Variants in ABCC4 observed in about 807,000 individuals in gnomAD.
ABCC4 encodes the protein ATP binding cassette subfamily C member 4 (PEL blood group).
Under a neutral mutation model 168.5 loss-of-function variants are expected in ABCC4, and 102 were observed. The observed-to-expected ratio is 0.61, with a 90% confidence interval of 0.52 to 0.71. The LOEUF is 0.71. ABCC4 is among the 30% of genes least tolerant of loss of function. The probability of loss-of-function intolerance (pLI) is 0.00; values close to 1 mark genes in which losing one functional copy is unlikely to be tolerated. For synonymous variants in ABCC4, 617 were observed against 590.7 expected, an observed-to-expected ratio of 1.04 and a Z score of -0.65; for missense variants, 1,402 against 1,605.8, an observed-to-expected ratio of 0.87 and a Z score of 2.17.
At chr13:95,092,972 AC>A (rs1453705954) in intron 20 of ABCC4, among the ~76,000 whole-genome samples, 20 of 152,184 alleles carry the variant, frequency 1.3e-4, no homozygotes, top group African/African-American at 4.8e-4. Flanking sequence ...GAAAAATACA[AC>A]CCTCCTAGCT....
chr13:95,173,416 G>A (rs1188107126), intron 13 of ABCC4, among the ~76,000 whole-genome samples: 1 of 152,238 alleles, frequency 6.6e-6, no homozygotes, highest in African/African-American at 2.4e-5. Context: ...GCCCTCCGAG[G>A]AGCAGAAGAG....
intron 19 of ABCC4, among the ~76,000 whole-genome samples, chr13:95,156,042 T>G (rs1008946208): frequency 2.0e-5 from 3 of 152,116 alleles, no homozygotes; most frequent in Admixed American, 1.3e-4. Flanking sequence ...AACAGAAACA[T>G]CATACAAGCA....
rs146834629 is a variant in ABCC4 at position 95,069,666 on chromosome 13, C to A, written c.3210+1996G>T. Among the ~76,000 whole-genome samples the A allele has an allele frequency of 2.1e-4, 32 of 152,260 alleles. No individual in the cohort carries two copies. The East Asian group carries it at 4.6e-3, about 22-fold the overall frequency. On this transcript the variant is annotated intron_variant, in intron 25 of 30. Coordinates refer to ENST00000645237, the MANE Select transcript of ABCC4 (RefSeq NM_005845.5). ...TCCTACTTTCTGTCTCCATGACTAA[C>A]TACTCCAGGTACCCACATGTAAGTG...
At chr13:95,191,840 G>A (rs2038260757) in intron 9 of ABCC4, among the ~76,000 whole-genome samples, 2 of 152,184 alleles carry the variant, frequency 1.3e-5, no homozygotes, top group Non-Finnish European at 2.9e-5. Flanking sequence ...TGAGCCACAT[G>A]CAAAACCCAG....
intron 17 of ABCC4, 49 bp downstream of exon 17, chr13:95,163,561 T>A (rs2037167577): frequency 6.6e-7 from 1 of 1,514,462 alleles, no homozygotes. Flanking sequence ...AAAGCGAGTC[T>A]TCTTACTGAT....
At chr13:95,096,262 G>T in intron 20 of ABCC4, 1 of 493,964 alleles carries the variant, frequency 2.0e-6, no homozygotes. Context: ...TAAAGACAGA[G>T]CAATACAAAT....
chr13:95,293,335 G>A (rs528046518), intron 1 of ABCC4, among the ~76,000 whole-genome samples: 2 of 151,576 alleles, frequency 1.3e-5, no homozygotes, highest in South Asian at 4.2e-4. Flanking sequence ...TCCAGCCTGT[G>A]CGACAGAGAC....
chr13:95,166,237 C>T lies in ABCC4; in HGVS notation c.1955G>A (p.Arg652His), dbSNP rs1435109800. Reference sequence around the variant, plus strand: ...CCAAACCGAAGACTCTGAGAAGGTACGATTCCTTAGTGTGGGAGTTCCTGG... The same window carrying T: ...CCAAACCGAAGACTCTGAGAAGGTATGATTCCTTAGTGTGGGAGTTCCTGG... ...PVPGTPTLRN[R>H]TFSESSVWSQ... The change falls in exon 15 of 31, where the codon CGT becomes CAT. Residue 652 changes from arginine (R) to histidine (H), a missense_variant. By Grantham distance (29) the Arg-to-His change is conservative. Transcript: ENST00000645237. 4.3e-6 allele frequency: 7 copies of T among 1,613,992 alleles called. No homozygotes were observed. Among genetic ancestry groups the T allele is most frequent in the Non-Finnish European group, 4.2e-6 (5 of 1,180,006 alleles).
At chr13:95,227,764 G>A (rs868363809) in intron 4 of ABCC4, among the ~76,000 whole-genome samples, 1 of 152,120 alleles carries the variant, frequency 6.6e-6, no homozygotes, top group Admixed American at 6.5e-5. Context: ...GCTGGAGTGC[G>A]GTGGCACGGA....
intron 1 of ABCC4, among the ~76,000 whole-genome samples, chr13:95,282,898 T>C (rs763497551): frequency 1.3e-5 from 2 of 152,056 alleles, no homozygotes; most frequent in African/African-American, 2.4e-5. Context: ...TCATTACATA[T>C]GTAAAACTTG....
At chr13:95,025,373 C>CCA (rs1389367857) in intron 30 of ABCC4, among the ~76,000 whole-genome samples, 1 of 49,372 alleles carries the variant, frequency 2.0e-5, no homozygotes, top group East Asian at 5.7e-4. Context: ...CACCCACACC[C>CCA]CACACACACC....
At chr13:95,259,854 G>C (rs113040265) in intron 1 of ABCC4, among the ~76,000 whole-genome samples, 72 of 125,304 alleles carry the variant, frequency 5.7e-4, no homozygotes, top group Admixed American at 8.9e-4. Flanking sequence ...GTGTAGTGTG[G>C]GGAAAAAAAA....
At chr13:95,246,142 G>A (rs2040099327) in intron 3 of ABCC4, among the ~76,000 whole-genome samples, 2 of 152,088 alleles carry the variant, frequency 1.3e-5, no homozygotes, top group Admixed American at 6.6e-5. Context: ...GAGGCCCTTC[G>A]GGGTAACAGA....
At chr13:95,054,021 C>CTTTTTTTTTTTTTTTTTTTT (rs55980425) in intron 26 of ABCC4, 3 of 71,628 alleles carry the variant, frequency 4.2e-5, no homozygotes, top group African/African-American at 7.3e-5. Flanking sequence ...ATGGGACATC[C>CTTTTTTTTTTTTTTTTTTTT]TTTTTTTTTT....
At chr13:95,191,511 G>A (rs2038250531) in intron 9 of ABCC4, among the ~76,000 whole-genome samples, 1 of 151,894 alleles carries the variant, frequency 6.6e-6, no homozygotes, top group African/African-American at 2.4e-5. Flanking sequence ...CTAAACACTT[G>A]GAAAAATAAC....
At chr13:95,159,628 G>C (rs186784830) in intron 19 of ABCC4, among the ~76,000 whole-genome samples, 5 of 152,208 alleles carry the variant, frequency 3.3e-5, no homozygotes, top group Non-Finnish European at 5.9e-5. Context: ...TGTTATGACT[G>C]TAGTTTCAAA....
At chr13:95,133,130 T>TTTTG (rs2036029986) in intron 19 of ABCC4, among the ~76,000 whole-genome samples, 1 of 145,554 alleles carries the variant, frequency 6.9e-6, no homozygotes. Context: ...TTTTTTTTTT[T>TTTTG]GGAGACAGAA....
chr13:95,130,233 T>C (rs1460840904), intron 19 of ABCC4, among the ~76,000 whole-genome samples: 3 of 152,182 alleles, frequency 2.0e-5, no homozygotes, highest in Admixed American at 6.5e-5. Context: ...GCAGACAATA[T>C]CAGTGAATGT....
rs541212087 is a variant in ABCC4, at chr13:95,287,582, G to A, written c.74+13659C>T. On this transcript the variant is annotated intron_variant, in intron 1 of 30. Coordinates refer to ENST00000645237, the MANE Select transcript of ABCC4 (RefSeq NM_005845.5). Reference sequence around the variant, plus strand: ...AGCCTGGGTGGAAGGGCATGACTTCGTCTCAAAAAAAAAAAAACTTTTTCC... The same window carrying A: ...AGCCTGGGTGGAAGGGCATGACTTCATCTCAAAAAAAAAAAAACTTTTTCC... 2.7e-4 allele frequency among the ~76,000 whole-genome samples: 40 copies of A among 150,700 alleles called. No homozygotes were observed. The South Asian group carries it at 7.3e-3, about 28-fold the overall frequency.
Sources: allele counts gnomAD v4.1 joint callset (sites outside exome capture counted in the v4.1 genomes callset), GRCh38; gene constraint gnomAD v4.1.1; transcripts MANE v1.5; gene names NCBI Gene and HGNC (gene_info 2026-07-23, HGNC 2026-07-21).